GABRP: variants seen among roughly 807,000 people sequenced by gnomAD.
GABRP encodes the protein gamma-aminobutyric acid receptor subunit pi.
GABRP carries 52 observed loss-of-function variants against 47.8 expected under a neutral mutation model. The ratio of observed to expected loss-of-function variants is 1.09; its 90% CI spans 0.87 to 1.37. The LOEUF (loss-of-function observed/expected upper bound fraction) is 1.37, where lower values mean the gene tolerates loss of function less well. Ranked by LOEUF, GABRP falls within the 40% of genes most tolerant of loss-of-function variation. GABRP has a pLI of 0.00. For synonymous variants in GABRP, 221 were observed against 205.8 expected (o/e 1.07, Z -0.63); for missense variants, 525 against 542.8 (o/e 0.97, Z 0.33).
At chr5:170,786,967 A>G (rs1765145197) in intron 1 of GABRP, among the ~76,000 whole-genome samples, 1 of 151,934 alleles carries the variant, frequency 6.6e-6, no homozygotes, top group African/African-American at 2.4e-5. Context: ...AAGAGAAGAA[A>G]TGGGGGGGGA....
At chr5:170,800,466 T>A (rs4868032) in intron 6 of GABRP, among the ~76,000 whole-genome samples, 8 of 152,158 alleles carry the variant, frequency 5.3e-5, no homozygotes, top group African/African-American at 1.7e-4. Context: ...TATTTTATTT[T>A]TTTTTTCTGT....
chr5:170,805,189 G>A (rs1252797972), intron 6 of GABRP, among the ~76,000 whole-genome samples: 2 of 151,666 alleles, frequency 1.3e-5, no homozygotes, highest in Admixed American at 1.3e-4. Flanking sequence ...TGTTCAAAAG[G>A]TAACTATTGT....
chr5:170,798,173 C>G (rs1765486467), intron 6 of GABRP, among the ~76,000 whole-genome samples: 1 of 152,212 alleles, frequency 6.6e-6, no homozygotes. Flanking sequence ...TCCCAAGTAG[C>G]CGGGACCACA....
chr5:170,808,406 G>A (rs1485091645), intron 7 of GABRP, among the ~76,000 whole-genome samples, 194 bp from the exon 8 acceptor site: 1 of 152,090 alleles, frequency 6.6e-6, no homozygotes, highest in Non-Finnish European at 1.5e-5. Context: ...TTGGACATAA[G>A]GCAGGACAGC....
intron 8 of GABRP, 62 bp from the exon 9 acceptor site, chr5:170,809,506 C>A: frequency 6.5e-7 from 1 of 1,533,264 alleles, no homozygotes; most frequent in Non-Finnish European, 9.0e-7. Flanking sequence ...GGACACTCTG[C>A]CAGGCTATGG....
In GABRP at chr5:170,799,027, G is replaced by A. The variant is rs533289897; in HGVS notation, c.541+1479G>A. Among the ~76,000 whole-genome samples the A allele has an allele frequency of 3.3e-4, 49 of 149,258 alleles. No individual in the cohort carries two copies. The East Asian group carries it at 8.0e-3, about 24-fold the overall frequency. On this transcript the variant is annotated intron_variant, in intron 6 of 9. Transcript: ENST00000265294. ...TTCCCACCTATGAGTGAGAACATGC[G>A]GTGTTTGGTTTTTTGTCCTTGTGAT...
At position 170,795,408 on chromosome 5, in the gene GABRP, G is replaced by C. The variant is rs182029832; in HGVS notation, c.441G>C (p.Thr147=). The C allele has an allele frequency of 6.2e-7, 1 of 1,613,994 alleles. No homozygotes were observed. Among genetic ancestry groups the C allele is most frequent in the Admixed American group, 1.7e-5 (1 of 60,012 alleles). ...NRLIRLFSNG[T]VLYALRITTT... ...TCATCCGCCTCTTCTCCAATGGCAC[G>C]GTCCTGTATGCCCTCAGGTACGCGG... Residue 147 remains threonine, a synonymous_variant, in exon 5 of 10, where the codon ACG becomes ACC. Coordinates refer to ENST00000265294, the MANE Select transcript of GABRP (RefSeq NM_014211.3).
At chr5:170,783,279 C>T (rs1188254098), upstream of GABRP, among the ~76,000 whole-genome samples, 1 of 152,140 alleles carries the variant, frequency 6.6e-6, no homozygotes. Flanking sequence ...TCTGTTGATC[C>T]CAAAGATGCT....
intron 6 of GABRP, among the ~76,000 whole-genome samples, chr5:170,797,860 A>T (rs1403793372): frequency 6.6e-6 from 1 of 152,200 alleles, no homozygotes; most frequent in Non-Finnish European, 1.5e-5. Flanking sequence ...TGGTGTGCCC[A>T]ATCCAGCCCC....
chr5:170,785,562 C>T (rs1381886662), intron 1 of GABRP, among the ~76,000 whole-genome samples: 1 of 152,166 alleles, frequency 6.6e-6, no homozygotes, highest in African/African-American at 2.4e-5. Flanking sequence ...CTGGCTCTAG[C>T]CTGGGTGAAG....
intron 8 of GABRP, 75 bp from the exon 9 acceptor site, chr5:170,809,493 T>G (rs1765825107): frequency 6.9e-7 from 1 of 1,458,576 alleles, no homozygotes; most frequent in African/African-American, 1.4e-5. Flanking sequence ...AATTCTCAAA[T>G]GGGGACACTC....
At chr5:170,791,019 A>T (rs1253141369) in intron 3 of GABRP, among the ~76,000 whole-genome samples, 1 of 152,192 alleles carries the variant, frequency 6.6e-6, no homozygotes, top group Non-Finnish European at 1.5e-5. Flanking sequence ...GCCCTACTGA[A>T]CACGTATGAC....
Position 170,805,998 on chromosome 5 carries a change from C to T in GABRP, c.679+145C>T, listed in dbSNP as rs546654460. The T allele has an allele frequency of 8.5e-6, 7 of 819,192 alleles. No individual in the cohort carries two copies. The South Asian group carries it at 1.1e-4, about 13-fold the overall frequency. 50.7% of individuals were successfully genotyped at this position (819,192 alleles called of 1,614,324 possible). A position where few individuals can be genotyped will look rare whatever the true frequency, so the allele number is the denominator to read the frequency against. ...GTAGGGTTTGTGCTGAGCAATTCCA[C>T]CTCCTCCACACCCAGTATTAAAATG... On this transcript the variant is annotated intron_variant, in intron 7 of 9. Coordinates refer to ENST00000265294, the MANE Select transcript of GABRP (RefSeq NM_014211.3).
chr5:170,788,896 T>G (rs544180751), intron 2 of GABRP, among the ~76,000 whole-genome samples: 39 of 152,332 alleles, frequency 2.6e-4, no homozygotes, highest in Admixed American at 2.5e-3. Context: ...AAGAAGAGAC[T>G]TGGAGGGTTT....
chr5:170,796,184 T>C (rs145199110), intron 5 of GABRP, among the ~76,000 whole-genome samples: 79 of 152,364 alleles, frequency 5.2e-4, no homozygotes, highest in African/African-American at 1.9e-3. Flanking sequence ...TCTAAAGTTA[T>C]AAAACAAGGG....
At chr5:170,811,413 G>A (rs1014874962) in intron 9 of GABRP, among the ~76,000 whole-genome samples, 3 of 151,706 alleles carry the variant, frequency 2.0e-5, no homozygotes, top group Non-Finnish European at 2.9e-5. Flanking sequence ...TGCTTTGGTG[G>A]CAAAGCCTTT....
At chr5:170,803,550 T>C (rs1056652228) in intron 6 of GABRP, among the ~76,000 whole-genome samples, 1 of 152,144 alleles carries the variant, frequency 6.6e-6, no homozygotes, top group Non-Finnish European at 1.5e-5. Context: ...AGATTTTTAG[T>C]ACATTTCCGA....
At chr5:170,785,790 C>G (rs561437651) in intron 1 of GABRP, among the ~76,000 whole-genome samples, 3 of 152,270 alleles carry the variant, frequency 2.0e-5, no homozygotes, top group African/African-American at 7.2e-5. Flanking sequence ...TCCTTCAGGC[C>G]AGACCAGGAG....
At position 170,787,276 on chromosome 5, in the gene GABRP, G is replaced by C. The variant is rs374734517; in HGVS notation, c.-42-1298G>C. On this transcript the variant is annotated intron_variant, in intron 1 of 9. Transcript: ENST00000265294. ...CAGAATGGCCAGATTCTAGAAAGTG[G>C]CTTGTTTCACAGAAGTTGCCACAGA... 2.0e-5 allele frequency among the ~76,000 whole-genome samples: 3 copies of C among 152,226 alleles called. No individual in the cohort carries two copies. The East Asian group carries it at 5.8e-4, about 29-fold the overall frequency.
Sources: allele counts gnomAD v4.1 joint callset (sites outside exome capture counted in the v4.1 genomes callset), GRCh38; gene constraint gnomAD v4.1.1; transcripts MANE v1.5; gene names NCBI Gene and HGNC (gene_info 2026-07-23, HGNC 2026-07-21).